STK32B: variants seen among roughly 807,000 people sequenced by gnomAD.
STK32B encodes serine/threonine kinase 32B, also known as serine/threonine-protein kinase 32B.
A neutral mutation model predicts 52.6 loss-of-function variants in STK32B; 43 were observed. That is an observed-to-expected ratio of 0.82 (90% CI 0.64 to 1.05). The LOEUF is 1.05. Among genes scored for constraint, STK32B ranks in the 50% least tolerant of loss-of-function variants. The probability of loss-of-function intolerance (pLI) is 0.00; values close to 1 mark genes in which losing one functional copy is unlikely to be tolerated. For missense variants in STK32B, 621 were observed against 534.6 expected (o/e 1.16, Z -1.59); for synonymous variants, 238 against 204.3 (o/e 1.17, Z -1.41).
intron 1 of STK32B, among the ~76,000 whole-genome samples, chr4:5,115,845 C>T (rs1375567599): frequency 2.0e-5 from 3 of 152,236 alleles, no homozygotes; most frequent in Admixed American, 6.5e-5. Context: ...CCAGAGAGAA[C>T]GACACCAGCA....
rs1273577036 is a variant in STK32B at position 5,398,315 on chromosome 4, G to T, written c.472+71G>T. The T allele has an allele frequency of 6.4e-7, 1 of 1,550,580 alleles. No individual in the cohort carries two copies. The highest frequency in any genetic ancestry group is 1.7e-5 in the Admixed American group (1 of 58,594). On this transcript the variant is annotated intron_variant, in intron 5 of 11. Transcript: ENST00000282908. The surrounding 1 kb of genome is among the most constrained non-coding windows in gnomAD (Gnocchi z 4.9). ...TGAGGCACTGGGAAATAGTGCGGGG[G>T]TGGGGGTTGGGTCTTGCTGAGTTGG...
At chr4:5,371,400 G>C (rs114640792) in intron 4 of STK32B, among the ~76,000 whole-genome samples, 1 of 152,188 alleles carries the variant, frequency 6.6e-6, no homozygotes, top group Admixed American at 6.5e-5. Flanking sequence ...TGACTTAGCA[G>C]GAATCTTGCT....
At chr4:5,420,572 G>T (rs1712542783) in intron 6 of STK32B, among the ~76,000 whole-genome samples, 1 of 152,178 alleles carries the variant, frequency 6.6e-6, no homozygotes, top group South Asian at 2.1e-4. Flanking sequence ...GACTGGACAT[G>T]TGGATGGAGA....
At chr4:5,147,246 A>G (rs1481626561) in intron 2 of STK32B, among the ~76,000 whole-genome samples, 1 of 152,124 alleles carries the variant, frequency 6.6e-6, no homozygotes, top group Non-Finnish European at 1.5e-5. Context: ...ATTGTTTACT[A>G]GTAGGTATAA....
At chr4:5,492,915 A>G (rs867110346) in intron 11 of STK32B, among the ~76,000 whole-genome samples, 1 of 151,050 alleles carries the variant, frequency 6.6e-6, no homozygotes, top group Non-Finnish European at 1.5e-5. Context: ...CTTGCATCCC[A>G]GGGATGAAGC....
At chr4:5,331,185 C>T in intron 3 of STK32B, 35 bp from the exon 4 acceptor site, 1 of 1,570,838 alleles carries the variant, frequency 6.4e-7, no homozygotes, top group African/African-American at 1.4e-5. Flanking sequence ...AAGGTGCCTC[C>T]ACCCCTAATC....
At chr4:5,164,776 C>T (rs1247081891) in intron 2 of STK32B, among the ~76,000 whole-genome samples, 2 of 152,152 alleles carry the variant, frequency 1.3e-5, no homozygotes, top group African/African-American at 2.4e-5. Flanking sequence ...CAGGAGTAGC[C>T]CCTGAGCTCA....
intron 1 of STK32B, among the ~76,000 whole-genome samples, chr4:5,087,623 TAAAC>T (rs919514273): frequency 3.3e-5 from 5 of 151,632 alleles, no homozygotes; most frequent in Non-Finnish European, 7.4e-5. Context: ...CATGCAATAA[TAAAC>T]AAAATAGAAG....
At chr4:5,341,893 C>A (rs1440702063) in intron 4 of STK32B, among the ~76,000 whole-genome samples, 1 of 152,016 alleles carries the variant, frequency 6.6e-6, no homozygotes, top group African/African-American at 2.4e-5. Flanking sequence ...ATGTGCACAA[C>A]CTTCAGGTTT....
chr4:5,401,117 A>G (rs745438332), intron 5 of STK32B, among the ~76,000 whole-genome samples: 1 of 152,228 alleles, frequency 6.6e-6, no homozygotes, highest in Non-Finnish European at 1.5e-5. Context: ...GGAATACAAC[A>G]GCAGTTTATT....
At chr4:5,444,282 G>C (rs575370140) in intron 6 of STK32B, among the ~76,000 whole-genome samples, 18 of 152,348 alleles carry the variant, frequency 1.2e-4, no homozygotes, top group African/African-American at 3.8e-4. Context: ...CTCCAAGTCA[G>C]GTGCGGGATA....
intron 2 of STK32B, among the ~76,000 whole-genome samples, chr4:5,162,819 A>C (rs903159535): frequency 2.0e-5 from 3 of 152,296 alleles, no homozygotes; most frequent in Non-Finnish European, 2.9e-5. Context: ...TTGAAGTTGA[A>C]GGTTCCCAGG....
At chr4:5,100,493 GCT>G (rs1314416645) in intron 1 of STK32B, among the ~76,000 whole-genome samples, 1 of 108,384 alleles carries the variant, frequency 9.2e-6, no homozygotes, top group Non-Finnish European at 1.8e-5. Context: ...TTCCTTGCCT[GCT>G]CTTTTTCTTT....
chr4:5,207,924 T>A (rs1464194835), intron 3 of STK32B, among the ~76,000 whole-genome samples: 3 of 152,170 alleles, frequency 2.0e-5, no homozygotes, highest in African/African-American at 7.2e-5. Context: ...CCACATTTCC[T>A]TCTCTGTACA....
At chr4:5,024,092 T>C in the STK32B span, among the ~76,000 whole-genome samples, 1 of 152,210 alleles carries the variant, frequency 6.6e-6, no homozygotes, top group Non-Finnish European at 1.5e-5. Flanking sequence ...CACTAAGGAA[T>C]TATCTCTTTC....
intron 1 of STK32B, among the ~76,000 whole-genome samples, chr4:5,082,452 G>A (rs906297003): frequency 1.3e-5 from 2 of 152,176 alleles, no homozygotes; most frequent in African/African-American, 4.8e-5. Flanking sequence ...CAGCCTGTGA[G>A]AAGACTTTTT....
chr4:5,340,628 A>G (rs930522822), intron 4 of STK32B, among the ~76,000 whole-genome samples: 1 of 152,248 alleles, frequency 6.6e-6, no homozygotes, highest in Non-Finnish European at 1.5e-5. Context: ...CATCCAAGGC[A>G]GGATTCCTTG....
At chr4:5,427,416 G>A (rs1480888086) in intron 6 of STK32B, among the ~76,000 whole-genome samples, 1 of 152,158 alleles carries the variant, frequency 6.6e-6, no homozygotes, top group Non-Finnish European at 1.5e-5. Context: ...TAGTTGAGAA[G>A]TGTTTCCTCC....
chr4:5,231,376 T>G (rs1724255793), intron 3 of STK32B, among the ~76,000 whole-genome samples: 1 of 152,152 alleles, frequency 6.6e-6, no homozygotes. Context: ...TCTGGGAGGC[T>G]GAGGCGGAAA....
Sources: allele counts gnomAD v4.1 joint callset (sites outside exome capture counted in the v4.1 genomes callset), GRCh38; gene constraint gnomAD v4.1.1; non-coding constraint Gnocchi (gnomAD v3.1); transcripts MANE v1.5; gene names NCBI Gene and HGNC (gene_info 2026-07-23, HGNC 2026-07-21).